Variants in TENM3 observed in about 807,000 individuals in gnomAD.
The protein encoded by TENM3 is teneurin transmembrane protein 3, also known as teneurin-3.
TENM3 carries 63 observed loss-of-function variants against 255.1 expected under a neutral mutation model. The ratio of observed to expected loss-of-function variants is 0.25; its 90% CI spans 0.20 to 0.30. The LOEUF (loss-of-function observed/expected upper bound fraction) is 0.30. Among genes scored for constraint, TENM3 ranks in the 10% least tolerant of loss-of-function variants. The probability of loss-of-function intolerance (pLI) is 1.00; values close to 1 mark genes in which losing one functional copy is unlikely to be tolerated. For synonymous variants in TENM3, 1,306 were observed against 1,322.3 expected (o/e 0.99, Z 0.27); for missense variants, 2,929 against 3,461.1 (o/e 0.85, Z 3.86).
intron 4 of TENM3, among the ~76,000 whole-genome samples, chr4:182,618,581 A>G (rs1031410979): frequency 2.0e-5 from 3 of 151,914 alleles, no homozygotes; most frequent in Non-Finnish European, 1.5e-5. Context: ...AAAAGTGAAC[A>G]GCTACTAAGG....
At chr4:182,497,028 A>G (rs1243478057) in intron 3 of TENM3, among the ~76,000 whole-genome samples, 3 of 151,668 alleles carry the variant, frequency 2.0e-5, no homozygotes, top group Admixed American at 1.3e-4. Context: ...TCCATGTTAT[A>G]CTAAGTATAC....
the TENM3 span, among the ~76,000 whole-genome samples, chr4:181,842,583 A>G: frequency 6.6e-6 from 1 of 152,288 alleles, no homozygotes; most frequent in East Asian, 1.9e-4. Flanking sequence ...GTAGCAGCAA[A>G]TCATATGCAT....
chr4:181,572,364 T>C, the TENM3 span, among the ~76,000 whole-genome samples: 3 of 152,128 alleles, frequency 2.0e-5, no homozygotes, highest in African/African-American at 7.2e-5. Flanking sequence ...GAGAAACATA[T>C]GAAAAATAAG....
chr4:181,546,916 C>T, the TENM3 span, among the ~76,000 whole-genome samples: 2 of 151,934 alleles, frequency 1.3e-5, no homozygotes, highest in Non-Finnish European at 2.9e-5. Flanking sequence ...GGAAGGGATG[C>T]TTATTCCTGC....
At chr4:181,928,559 T>C in the TENM3 span, among the ~76,000 whole-genome samples, 4 of 149,878 alleles carry the variant, frequency 2.7e-5, no homozygotes, top group Non-Finnish European at 4.4e-5. Flanking sequence ...GTTTGATGGG[T>C]GTGCCTGAAA....
At chr4:182,031,174 T>C in the TENM3 span, among the ~76,000 whole-genome samples, 335 of 152,322 alleles carry the variant, frequency 2.2e-3, no homozygotes, top group African/African-American at 7.7e-3. Context: ...TTCTAGGATT[T>C]TTATAGTTTT....
chr4:182,704,817 A>G (rs1405378288), intron 12 of TENM3, among the ~76,000 whole-genome samples: 1 of 141,192 alleles, frequency 7.1e-6, no homozygotes, highest in African/African-American at 2.6e-5. Flanking sequence ...ATGCATACAC[A>G]CAAACTTTTT....
rs560780927 is a variant in TENM3 at position 182,585,434 on chromosome 4, G to A, written c.512-15490G>A. 2.6e-5 allele frequency among the ~76,000 whole-genome samples: 4 copies of A among 152,202 alleles called. No individual in the cohort carries two copies. In the East Asian group the frequency reaches 7.8e-4, roughly 29 times the overall value. On this transcript the variant is annotated intron_variant, in intron 3 of 27. Coordinates refer to ENST00000511685, the MANE Select transcript of TENM3 (RefSeq NM_001080477.4). ...AAGGAAGTAATTAAGGTTAAACGAG[G>A]TCATCAGGGTGTAGCCCTGATCCTG...
intron 4 of TENM3, among the ~76,000 whole-genome samples, chr4:182,609,941 A>G (rs778497073): frequency 2.0e-5 from 3 of 152,202 alleles, no homozygotes; most frequent in African/African-American, 4.8e-5. Context: ...AGGTAAATTG[A>G]CATCTACCAA....
At chr4:181,537,922 A>T in the TENM3 span, among the ~76,000 whole-genome samples, 1 of 152,216 alleles carries the variant, frequency 6.6e-6, no homozygotes, top group Non-Finnish European at 1.5e-5. Flanking sequence ...AAACTGCTTG[A>T]AATATGCTTT....
chr4:182,440,897 C>T (rs576050375), intron 3 of TENM3, among the ~76,000 whole-genome samples: 2 of 151,408 alleles, frequency 1.3e-5, no homozygotes, highest in South Asian at 2.1e-4. Context: ...ACACGTGTCA[C>T]GGGGTTTGTT....
At chr4:182,430,318 G>A (rs544915098) in intron 3 of TENM3, among the ~76,000 whole-genome samples, 1 of 152,220 alleles carries the variant, frequency 6.6e-6, no homozygotes, top group African/African-American at 2.4e-5. Flanking sequence ...GGAGGCCGAG[G>A]CAGGCGGATC....
chr4:182,460,215 A>G (rs1376474403), intron 3 of TENM3, among the ~76,000 whole-genome samples: 1 of 152,200 alleles, frequency 6.6e-6, no homozygotes, highest in Non-Finnish European at 1.5e-5. Flanking sequence ...TAAAAATTGA[A>G]TAAAGAAAGG....
intron 12 of TENM3, among the ~76,000 whole-genome samples, chr4:182,706,716 A>G (rs1336956800): frequency 2.0e-5 from 3 of 152,130 alleles, no homozygotes; most frequent in African/African-American, 7.2e-5. Flanking sequence ...TAATCCTAGC[A>G]GTTGGGAGGC....
chr4:181,455,075 G>C, the TENM3 span, among the ~76,000 whole-genome samples: 1 of 152,066 alleles, frequency 6.6e-6, no homozygotes, highest in East Asian at 1.9e-4. Context: ...TCACCTGAAA[G>C]AGAACCGGGA....
At chr4:182,601,811 C>T (rs919620013) in intron 4 of TENM3, among the ~76,000 whole-genome samples, 1 of 152,220 alleles carries the variant, frequency 6.6e-6, no homozygotes, top group African/African-American at 2.4e-5. Context: ...CATCCTCTGA[C>T]TGTAACCGTA....
intron 3 of TENM3, among the ~76,000 whole-genome samples, chr4:182,545,043 T>G (rs1216039550): frequency 1.3e-5 from 2 of 152,162 alleles, no homozygotes; most frequent in African/African-American, 4.8e-5. Flanking sequence ...TTACTTTTAT[T>G]CCCCATCTCT....
chr4:181,835,708 T>C, the TENM3 span, among the ~76,000 whole-genome samples: 4 of 152,364 alleles, frequency 2.6e-5, no homozygotes, highest in African/African-American at 9.6e-5. Flanking sequence ...GAGGCTTGCA[T>C]GTTTACCAAA....
At chr4:182,596,268 A>G (rs1249379443) in intron 3 of TENM3, among the ~76,000 whole-genome samples, 1 of 152,228 alleles carries the variant, frequency 6.6e-6, no homozygotes, top group African/African-American at 2.4e-5. Context: ...ACACTCTCTC[A>G]TTGAATTCTT....
Sources: allele counts gnomAD v4.1 joint callset (sites outside exome capture counted in the v4.1 genomes callset), GRCh38; gene constraint gnomAD v4.1.1; transcripts MANE v1.5; gene names NCBI Gene and HGNC (gene_info 2026-07-23, HGNC 2026-07-21).